SERGEF: variants seen among roughly 807,000 people sequenced by gnomAD.
SERGEF encodes secretion regulating guanine nucleotide exchange factor, also known as secretion-regulating guanine nucleotide exchange factor.
Under a neutral mutation model 50.0 loss-of-function variants are expected in SERGEF, and 51 were observed. The observed-to-expected ratio is 1.02, with a 90% CI of 0.81 to 1.29. The LOEUF (loss-of-function observed/expected upper bound fraction) is 1.29. Ranked by LOEUF, SERGEF falls within the 50% of genes most tolerant of loss-of-function variation. SERGEF has a pLI of 0.00. For missense variants in SERGEF, 521 were observed against 557.0 expected (o/e 0.94, Z 0.65); for synonymous variants, 205 against 212.4 (o/e 0.97, Z 0.30).
chr11:17,961,946 T>G (rs528775970), intron 8 of SERGEF, among the ~76,000 whole-genome samples: 1 of 152,250 alleles, frequency 6.6e-6, no homozygotes, highest in Admixed American at 6.5e-5. Context: ...TCATTGACGC[T>G]GGCTCAATCC....
intron 9 of SERGEF, among the ~76,000 whole-genome samples, chr11:17,930,820 G>A (rs1241281079): frequency 6.6e-6 from 1 of 152,102 alleles, no homozygotes; most frequent in Admixed American, 6.6e-5. Flanking sequence ...GATTAGACTA[G>A]GATAGTGTCT....
At chr11:18,009,136 T>C (rs1175199820) in intron 1 of SERGEF, among the ~76,000 whole-genome samples, 2 of 152,182 alleles carry the variant, frequency 1.3e-5, no homozygotes, top group African/African-American at 4.8e-5. Flanking sequence ...AGAAGGACTC[T>C]GGAGCATTTG....
intron 10 of SERGEF, among the ~76,000 whole-genome samples, chr11:17,810,761 C>T (rs1849853556): frequency 6.6e-6 from 1 of 151,150 alleles, no homozygotes; most frequent in Admixed American, 6.6e-5. Flanking sequence ...TAGCCAAAGA[C>T]TCAGGAAGGT....
At chr11:17,946,914 T>C (rs1256427186) in intron 9 of SERGEF, among the ~76,000 whole-genome samples, 2 of 152,184 alleles carry the variant, frequency 1.3e-5, no homozygotes, top group Non-Finnish European at 2.9e-5. Flanking sequence ...TCAGAGTAGA[T>C]GGAGATGGAG....
chr11:17,798,631 T>C (rs527634491), intron 10 of SERGEF, among the ~76,000 whole-genome samples: 1 of 152,354 alleles, frequency 6.6e-6, no homozygotes, highest in African/African-American at 2.4e-5. Context: ...GGTGGAAACA[T>C]GTTGGCCTGT....
At chr11:17,885,417 G>T (rs1486870055) in intron 9 of SERGEF, among the ~76,000 whole-genome samples, 1 of 152,094 alleles carries the variant, frequency 6.6e-6, no homozygotes, top group Non-Finnish European at 1.5e-5. Context: ...GAATTCCTGG[G>T]CTCAAGCGAC....
rs576701415 is a variant in SERGEF, at chr11:18,006,423, G to A, written c.352+168C>T. ...ACTCCTGACCTCAAGTGATACACCT[G>A]CCTTGGCCTCCCAAAGTGCTGGAAT... is the stretch of plus-strand genomic sequence containing the variant. On this transcript the variant is annotated intron_variant, in intron 3 of 10. Transcript: ENST00000265965. 2.0e-5 allele frequency among the ~76,000 whole-genome samples: 3 copies of A among 152,298 alleles called. No homozygotes were observed. The East Asian group carries it at 5.8e-4, about 29-fold the overall frequency.
chr11:17,961,051 T>A (rs1016957182), intron 8 of SERGEF, among the ~76,000 whole-genome samples: 2 of 152,102 alleles, frequency 1.3e-5, no homozygotes, highest in African/African-American at 4.8e-5. Context: ...ACTCCCCAGC[T>A]CTCCCCAGAA....
At chr11:17,973,971 C>A (rs1012431867) in intron 8 of SERGEF, among the ~76,000 whole-genome samples, 1 of 152,104 alleles carries the variant, frequency 6.6e-6, no homozygotes, top group African/African-American at 2.4e-5. Context: ...GACTTAGAGT[C>A]CCAGTAATTC....
chr11:17,916,741 ATAGT>A, intron 9 of SERGEF, among the ~76,000 whole-genome samples: 1 of 152,250 alleles, frequency 6.6e-6, no homozygotes, highest in Non-Finnish European at 1.5e-5. Flanking sequence ...TGGTCTGATA[ATAGT>A]TACTCTATGG....
chr11:17,913,317 T>G (rs1851987762), intron 9 of SERGEF, among the ~76,000 whole-genome samples: 1 of 152,178 alleles, frequency 6.6e-6, no homozygotes, highest in South Asian at 2.1e-4. Flanking sequence ...CTCCAAAAAC[T>G]TCAGCTGTTT....
intron 9 of SERGEF, among the ~76,000 whole-genome samples, chr11:17,940,279 T>A (rs943325297): frequency 6.6e-6 from 1 of 152,146 alleles, no homozygotes; most frequent in African/African-American, 2.4e-5. Flanking sequence ...TATCCCAGGA[T>A]GCTAACAAGG....
intron 3 of SERGEF, 66 bp from the exon 4 acceptor site, chr11:18,004,601 G>T: frequency 9.0e-7 from 1 of 1,116,520 alleles, no homozygotes; most frequent in Non-Finnish European, 1.3e-6. Context: ...ATGGGTAAAT[G>T]CTGCAGGGTG....
intron 10 of SERGEF, among the ~76,000 whole-genome samples, chr11:17,829,956 A>G (rs1043099526): frequency 6.6e-6 from 1 of 152,198 alleles, no homozygotes; most frequent in African/African-American, 2.4e-5. Flanking sequence ...AATTTAATGG[A>G]ATGGAAGAAG....
chr11:17,947,784 C>A (rs1852692313), intron 9 of SERGEF, among the ~76,000 whole-genome samples: 1 of 152,056 alleles, frequency 6.6e-6, no homozygotes, highest in Non-Finnish European at 1.5e-5. Context: ...CCCTCATCTA[C>A]AAAATAAGGA....
At chr11:18,009,378 A>G (rs1480821291) in intron 1 of SERGEF, among the ~76,000 whole-genome samples, 1 of 152,126 alleles carries the variant, frequency 6.6e-6, no homozygotes, top group Non-Finnish European at 1.5e-5. Flanking sequence ...CCTTTTGGAG[A>G]CAGCACAGGG....
chr11:17,919,209 T>C (rs1204146443), intron 9 of SERGEF, among the ~76,000 whole-genome samples: 1 of 152,118 alleles, frequency 6.6e-6, no homozygotes. Context: ...GCTGAATGTA[T>C]AAACAAAGGA....
chr11:17,817,958 A>T (rs1469685629), intron 10 of SERGEF, among the ~76,000 whole-genome samples: 1 of 152,200 alleles, frequency 6.6e-6, no homozygotes, highest in African/African-American at 2.4e-5. Flanking sequence ...AGCCATCAGG[A>T]AGGCTCTTCC....
intron 9 of SERGEF, among the ~76,000 whole-genome samples, chr11:17,922,618 TG>T (rs532190065): frequency 2.2e-4 from 34 of 152,280 alleles, no homozygotes; most frequent in African/African-American, 7.7e-4. Flanking sequence ...TTGTCTCCAC[TG>T]GGGGTATTTT....
Sources: allele counts gnomAD v4.1 joint callset (sites outside exome capture counted in the v4.1 genomes callset), GRCh38; gene constraint gnomAD v4.1.1; transcripts MANE v1.5; gene names NCBI Gene and HGNC (gene_info 2026-07-23, HGNC 2026-07-21).